Variants in SP7 observed in about 807,000 individuals in gnomAD.
The protein encoded by SP7 is transcription factor Sp7.
SP7 carries 13 observed loss-of-function variants against 27.9 expected under a neutral mutation model. That is an observed-to-expected ratio of 0.47 (90% confidence interval 0.30 to 0.74). The LOEUF is 0.74. Ranked by LOEUF, SP7 falls within the 30% of genes least tolerant of loss-of-function variation. The pLI, the probability that SP7 is intolerant of heterozygous loss-of-function variation, is 0.06. For missense variants in SP7, 525 were observed against 558.0 expected (o/e 0.94, Z 0.60); for synonymous variants, 219 against 226.7 (o/e 0.97, Z 0.31).
intron 2 of SP7, among the ~76,000 whole-genome samples, chr12:53,330,802 G>T (rs1240127845): frequency 6.6e-6 from 1 of 152,216 alleles, no homozygotes; most frequent in Non-Finnish European, 1.5e-5. Flanking sequence ...GTCTCCCTGA[G>T]GTCCAATCCT....
upstream of SP7, among the ~76,000 whole-genome samples, chr12:53,339,874 G>C (rs1944807297): frequency 6.6e-6 from 1 of 151,942 alleles, no homozygotes; most frequent in South Asian, 2.1e-4. Context: ...CATCCAAAGG[G>C]ACTCCCAACT....
In SP7 at chr12:53,329,327, G is replaced by C; in HGVS notation, c.115C>G (p.Leu39Val). ...GSSPLRDSTT[L>V]GKAGTKKPYS... ...GGCTTCTTTGTGCCTGCTTTGCCCA[G>C]AGTTGTTGAGTCCCGCAGAGGGCTA... The change falls in exon 3 of 3, where the codon CTG becomes GTG. Residue 39 changes from leucine (L) to valine (V), a missense_variant. Transcript: ENST00000536324. 6.2e-7 allele frequency: 1 copy of C among 1,613,994 alleles called. No homozygotes were observed.
chr12:53,330,972 G>T (rs781510534), intron 2 of SP7, among the ~76,000 whole-genome samples: 2 of 152,236 alleles, frequency 1.3e-5, no homozygotes, highest in Non-Finnish European at 2.9e-5. Flanking sequence ...AGCACCTCCT[G>T]CTTTGTGGTG....
Position 53,328,398 on chromosome 12 carries a change from G to A in SP7, c.1044C>T (p.His348=), listed in dbSNP as rs368126877. 5.0e-6 allele frequency: 8 copies of A among 1,613,798 alleles called. No individual in the cohort carries two copies. Among genetic ancestry groups the A allele is most frequent in the Non-Finnish European group, 6.8e-6 (8 of 1,179,828 alleles). Residue 348 remains histidine, a synonymous_variant, in exon 3 of 3, where the codon CAC becomes CAT. Coordinates refer to ENST00000536324, the MANE Select transcript of SP7 (RefSeq NM_001173467.3). The surrounding 1 kb of genome is among the most constrained non-coding windows in gnomAD (Gnocchi z 5.1). ...GGCAGGTGAACTTCTTCTCCCGGGT[G>A]TGAGTGCGCACATGACGCTCCAGCT... is the stretch of plus-strand genomic sequence containing the variant. ...SDELERHVRT[H]TREKKFTCLL... is the part of the protein sequence containing the mutation.
chr12:53,335,630 A>G lies in SP7; in HGVS notation c.17T>C (p.Leu6Pro), dbSNP rs1177208611. ...GGGGGAAGAGGGGACAGTTACCTCA[A>G]GCAGGGAGGACGCCATCCTGAGGCT... is the stretch of plus-strand genomic sequence containing the variant. MASSL[L>P]EEEVHYGSSP... Residue 6 changes from leucine (L) to proline (P), a missense_variant, in exon 2 of 3, where the codon CTT becomes CCT. Physicochemically the swap from Leu to Pro is moderately conservative, Grantham distance 98. Transcript: ENST00000536324. 2 of 1,500,888 alleles carry G rather than the reference A, an allele frequency of 1.3e-6. No homozygotes were observed. Among genetic ancestry groups the G allele is most frequent in the Non-Finnish European group, 1.8e-6 (2 of 1,118,086 alleles). 93.0% of individuals were successfully genotyped at this position (1,500,888 alleles called of 1,614,324 possible).
upstream of SP7, among the ~76,000 whole-genome samples, chr12:53,338,489 G>A (rs1944794513): frequency 6.6e-6 from 1 of 152,144 alleles, no homozygotes; most frequent in South Asian, 2.1e-4. Context: ...TTGGGACTCA[G>A]ATTAGATGAG....
intron 2 of SP7, among the ~76,000 whole-genome samples, chr12:53,331,486 AAAG>A (rs1254637999): frequency 1.5e-3 from 220 of 150,788 alleles, no homozygotes; most frequent in African/African-American, 4.9e-3. Flanking sequence ...AAAAAAAAAA[AAAG>A]AAAGGCAAAG....
chr12:53,338,106 C>A (rs1026413475), upstream of SP7, among the ~76,000 whole-genome samples: 1 of 136,224 alleles, frequency 7.3e-6, no homozygotes, highest in Non-Finnish European at 1.6e-5. Flanking sequence ...TAGCCAGGTC[C>A]GGAGGAGGAG....
intron 1 of SP7, among the ~76,000 whole-genome samples, chr12:53,343,513 A>T (rs1251228848): frequency 2.6e-5 from 4 of 152,206 alleles, no homozygotes; most frequent in Admixed American, 2.0e-4. Flanking sequence ...GAGGCCTAAG[A>T]TTCCTCTCCT....
chr12:53,342,191 A>C (rs1159855675), intron 1 of SP7, among the ~76,000 whole-genome samples: 1 of 152,074 alleles, frequency 6.6e-6, no homozygotes. Context: ...TGAACCCAGA[A>C]GGCAGAGATT....
At chr12:53,332,653 A>G (rs1944718901) in intron 2 of SP7, among the ~76,000 whole-genome samples, 1 of 152,176 alleles carries the variant, frequency 6.6e-6, no homozygotes, top group South Asian at 2.1e-4. Context: ...AAAGACACAA[A>G]CTAAGAAGGA....
At chr12:53,343,157 T>C (rs1240981205) in intron 1 of SP7, among the ~76,000 whole-genome samples, 1 of 144,896 alleles carries the variant, frequency 6.9e-6, no homozygotes, top group Admixed American at 6.9e-5. Context: ...AAAAAAAACA[T>C]AGTCTGGGTG....
At chr12:53,329,811 A>T (rs1285010875) in intron 2 of SP7, among the ~76,000 whole-genome samples, 2 of 149,936 alleles carry the variant, frequency 1.3e-5, no homozygotes, top group African/African-American at 4.9e-5. Context: ...GGCTCACTGC[A>T]ACCTCCGCCT....
At chr12:53,340,378 T>C (rs963565812), upstream of SP7, among the ~76,000 whole-genome samples, 1 of 152,164 alleles carries the variant, frequency 6.6e-6, no homozygotes, top group African/African-American at 2.4e-5. Context: ...AAGGGTGATA[T>C]GGAGGCCACT....
rs1469255373 is a variant in SP7 at position 53,335,880 on chromosome 12, G to C, written c.-47-187C>G. 3.1e-6 allele frequency: 4 copies of C among 1,280,650 alleles called. No individual in the cohort carries two copies. In the Admixed American group the frequency reaches 9.0e-5, roughly 29 times the overall value. The allele number at this position is 1,280,650 out of a possible 1,614,324, so 79.3% of individuals were successfully genotyped here. The stretch of plus-strand genomic sequence containing the variant: ...TCCAGATCCAATGAGGAGGGCGAGA[G>C]AGGGAGGCAGAGGGTCCAAATTTCC... On this transcript the variant is annotated intron_variant, in intron 1 of 2. Coordinates refer to ENST00000536324, the MANE Select transcript of SP7 (RefSeq NM_001173467.3).
chr12:53,337,670 G>C (rs1368539016), upstream of SP7, among the ~76,000 whole-genome samples: 1 of 152,162 alleles, frequency 6.6e-6, no homozygotes, highest in Non-Finnish European at 1.5e-5. Flanking sequence ...AAGCTGGGAG[G>C]TGGCAGGAGC....
chr12:53,334,331 TACACACACACACACACACAC>T (rs57611228), intron 2 of SP7, among the ~76,000 whole-genome samples: 1 of 139,534 alleles, frequency 7.2e-6, no homozygotes, highest in Non-Finnish European at 1.5e-5. Flanking sequence ...TGGCCCAACT[TACACACACACACACACACAC>T]ACACACACAC....
chr12:53,343,334 G>A (rs1944839089), intron 1 of SP7, among the ~76,000 whole-genome samples: 1 of 152,186 alleles, frequency 6.6e-6, no homozygotes, highest in Admixed American at 6.6e-5. Context: ...GTTCTAATCA[G>A]CTATGCAAGG....
chr12:53,328,575 C>A lies in SP7; in HGVS notation c.867G>T (p.Arg289=). The A allele has an allele frequency of 1.2e-6, 2 of 1,609,728 alleles. No individual in the cohort carries two copies. Among genetic ancestry groups the A allele is most frequent in the East Asian group, 2.2e-5 (1 of 44,768 alleles). Residue 289 remains arginine, a synonymous_variant, in exon 3 of 3, where the codon CGG becomes CGT. Transcript: ENST00000536324. This position sits in a 1 kb window ranked among gnomAD's most constrained non-coding sequence, Gnocchi z 5.1. ...TGTGGCAGCTGTGGATGGGCTTCTTCCGCAGCCCAGCCGCTGCTGCTCCCA... is the reference window on the plus strand; with the variant it reads ...TGTGGCAGCTGTGGATGGGCTTCTTACGCAGCCCAGCCGCTGCTGCTCCCA... The part of the protein sequence containing the change: ...ERLGAAAAGL[R]KKPIHSCHIP...
Sources: allele counts gnomAD v4.1 joint callset (sites outside exome capture counted in the v4.1 genomes callset), GRCh38; gene constraint gnomAD v4.1.1; non-coding constraint Gnocchi (gnomAD v3.1); transcripts MANE v1.5; gene names NCBI Gene and HGNC (gene_info 2026-07-23, HGNC 2026-07-21).